The following BAZ1B variants were observed in gnomAD, a reference collection of about 807,000 sequenced individuals.
BAZ1B encodes the protein tyrosine-protein kinase BAZ1B.
Under a neutral mutation model 153.8 loss-of-function variants are expected in BAZ1B, and 22 were observed. That is an observed-to-expected ratio of 0.14 (90% CI 0.10 to 0.20). The LOEUF (loss-of-function observed/expected upper bound fraction) is 0.20. Ranked by LOEUF, BAZ1B falls within the 10% of genes least tolerant of loss-of-function variation. BAZ1B has a pLI of 1.00. For missense variants in BAZ1B, 1,325 were observed against 1,799.3 expected, an observed-to-expected ratio of 0.74 and a Z score of 4.77; for synonymous variants, 676 against 633.4, an observed-to-expected ratio of 1.07 and a Z score of -1.01.
chr7:73,453,529 A>C (rs1170615511), intron 13 of BAZ1B, among the ~76,000 whole-genome samples: 1 of 152,236 alleles, frequency 6.6e-6, no homozygotes, highest in Non-Finnish European at 1.5e-5. Context: ...TCACATCAAG[A>C]AAGAGACTCT....
intron 1 of BAZ1B, among the ~76,000 whole-genome samples, chr7:73,520,069 C>A (rs138606345): frequency 6.6e-6 from 1 of 151,948 alleles, no homozygotes; most frequent in African/African-American, 2.4e-5. Context: ...GTTAGCCGGG[C>A]GTGGTGGCAC....
At chr7:73,473,706 G>A (rs544513088) in intron 7 of BAZ1B, among the ~76,000 whole-genome samples, 7 of 152,314 alleles carry the variant, frequency 4.6e-5, no homozygotes, top group Admixed American at 2.0e-4. Context: ...AACTATTCAA[G>A]CCGGGGTTTG....
chr7:73,520,323 T>A (rs1461108441), intron 1 of BAZ1B, among the ~76,000 whole-genome samples: 2 of 151,480 alleles, frequency 1.3e-5, no homozygotes, highest in African/African-American at 4.9e-5. Flanking sequence ...AAAAACCAGA[T>A]CACCACCCCT....
chr7:73,465,414 G>A, intron 11 of BAZ1B, 25 bp downstream of exon 11: 1 of 1,436,998 alleles, frequency 7.0e-7, no homozygotes, highest in Non-Finnish European at 9.6e-7. Context: ...AGTAAGATGT[G>A]AGGAGTAAGA....
At chr7:73,455,991 G>A (rs1353616292) in intron 13 of BAZ1B, among the ~76,000 whole-genome samples, 1 of 152,010 alleles carries the variant, frequency 6.6e-6, no homozygotes, top group Non-Finnish European at 1.5e-5. Context: ...TGACATCCTT[G>A]GGCAGTGAAA....
chr7:73,470,389 T>C lies in BAZ1B; in HGVS notation c.2688A>G (p.Leu896=). Residue 896 remains leucine, a synonymous_variant, in exon 8 of 20, where the codon CTA becomes CTG. Transcript: ENST00000339594. ...TGCCAATAGGAGTCCTGCGCATGAC[T>C]AGTTTGGCCTTGGCAATCCCTTCCT... ...AFQEGIAKAK[L]VMRRTPIGTD... 1 of 1,614,150 alleles carries C rather than the reference T, an allele frequency of 6.2e-7. No individual in the cohort carries two copies. The highest frequency in any genetic ancestry group is 1.7e-4 in the Middle Eastern group (1 of 6,060).
Position 73,441,656 on chromosome 7 carries a change from A to G in BAZ1B, c.*53T>C, listed in dbSNP as rs1401626311. On this transcript the variant is annotated 3_prime_UTR_variant, in exon 20 of 20. Coordinates refer to ENST00000339594, the MANE Select transcript of BAZ1B (RefSeq NM_032408.4). ...CCACAACTGTTTCATGATGCTGGTG[A>G]ATACACAATTCTGTATGGCACTCAC... is the stretch of plus-strand genomic sequence containing the variant. 1.3e-5 allele frequency: 2 copies of G among 153,770 alleles called. No homozygotes were observed. Among genetic ancestry groups the G allele is most frequent in the African/African-American group, 4.8e-5 (2 of 41,468 alleles). The allele number at this position is 153,770 out of a possible 1,614,324, so 9.5% of individuals were successfully genotyped here. A position where few individuals can be genotyped will look rare whatever the true frequency, so the allele number is the denominator to read the frequency against.
At chr7:73,459,387 A>AT in intron 13 of BAZ1B, 149 bp downstream of exon 13, 1 of 797,752 alleles carries the variant, frequency 1.3e-6, no homozygotes, top group East Asian at 2.7e-5. Context: ...GTAGAAAGTG[A>AT]TTAAAAAAAA....
chr7:73,474,372 A>C (rs1788922689), intron 7 of BAZ1B, among the ~76,000 whole-genome samples: 1 of 152,246 alleles, frequency 6.6e-6, no homozygotes, highest in African/African-American at 2.4e-5. Context: ...GATTTGGCAA[A>C]AGATCCTTAA....
Position 73,442,251 on chromosome 7 carries a change from C to A in BAZ1B, c.4397G>T (p.Gly1466Val), listed in dbSNP as rs1554565197. ...TCCAACGGCCTCTGGCTCACTGTCC[C>A]CTTCATCTTCAGCAAGCCTATCAGG... ...KFPDRLAEDEGDSEPEAVGQS... is the reference protein window; with the variant it reads ...KFPDRLAEDEVDSEPEAVGQS... Residue 1466 changes from glycine (G) to valine (V), a missense_variant, in exon 19 of 20, where the codon GGG becomes GTG. Coordinates refer to ENST00000339594, the MANE Select transcript of BAZ1B (RefSeq NM_032408.4). The A allele has an allele frequency of 6.2e-7, 1 of 1,613,934 alleles. No individual in the cohort carries two copies. Among genetic ancestry groups the A allele is most frequent in the South Asian group, 1.1e-5 (1 of 91,078 alleles).
At position 73,483,338 on chromosome 7, in the gene BAZ1B, C is replaced by G. The variant is rs77463730; in HGVS notation, c.892-4769G>C. 7.5e-3 allele frequency among the ~76,000 whole-genome samples: 1,141 copies of G among 152,238 alleles called. 12 individuals carry two copies. Among genetic ancestry groups the G allele is most frequent in the African/African-American group, 0.026 (1,088 of 41,526 alleles). ...ACAACTTAATAATAAGCAATATAAT[C>G]TAGGCAGCAAAACCCTGAATTAGCA... On this transcript the variant is annotated intron_variant, in intron 6 of 19. Coordinates refer to ENST00000339594, the MANE Select transcript of BAZ1B (RefSeq NM_032408.4).
intron 9 of BAZ1B, 124 bp from the exon 10 acceptor site, chr7:73,466,525 T>C (rs529435605): frequency 6.6e-6 from 4 of 604,076 alleles, no homozygotes; most frequent in Admixed American, 2.9e-5. Flanking sequence ...GTGAAATATA[T>C]CAAATATATC....
chr7:73,491,637 C>T (rs1356479319), intron 5 of BAZ1B, among the ~76,000 whole-genome samples: 1 of 151,976 alleles, frequency 6.6e-6, no homozygotes, highest in African/African-American at 2.4e-5. Flanking sequence ...ATCCTAACAA[C>T]CCAGCCAAGG....
At position 73,442,473 on chromosome 7, in the gene BAZ1B, T is replaced by C. The variant is rs1787660556; in HGVS notation, c.4175A>G (p.Lys1392Arg). The C allele has an allele frequency of 3.1e-6, 5 of 1,614,198 alleles. No individual in the cohort carries two copies. Among genetic ancestry groups the C allele is most frequent in the African/African-American group, 2.7e-5 (2 of 75,048 alleles). ...AGAGCGGTAGCTCCCACAGGAACAT[T>C]TGTTCTGCACTGTCTGAAAGTCCAT... is the stretch of plus-strand genomic sequence containing the variant. ...HPMDFQTVQN[K>R]CSCGSYRSVQ... Residue 1392 changes from lysine (K) to arginine (R), a missense_variant, in exon 19 of 20, where the codon AAA (lysine) becomes AGA (arginine). This residue lies in a region of BAZ1B where 271 missense variants were observed against 337.2 expected (regional missense o/e 0.80). Transcript: ENST00000339594.
intron 10 of BAZ1B, among the ~76,000 whole-genome samples, chr7:73,465,810 CAG>C (rs782741009): frequency 4.6e-5 from 7 of 152,084 alleles, no homozygotes; most frequent in Admixed American, 1.3e-4. Context: ...CCTTTCCCTC[CAG>C]AGAGTAAACC....
chr7:73,480,806 G>A (rs1740805963), intron 6 of BAZ1B, among the ~76,000 whole-genome samples: 1 of 152,190 alleles, frequency 6.6e-6, no homozygotes, highest in African/African-American at 2.4e-5. Flanking sequence ...AAAGGGTACA[G>A]GGAAATGGCT....
At chr7:73,469,395 T>A in intron 9 of BAZ1B, 122 bp downstream of exon 9, 1 of 1,253,760 alleles carries the variant, frequency 8.0e-7, no homozygotes, top group Non-Finnish European at 1.1e-6. Context: ...TTCACTCAAA[T>A]AGATCTAAGA....
At position 73,477,372 on chromosome 7, in the gene BAZ1B, G is replaced by A; in HGVS notation, c.2089C>T (p.Arg697Cys). 3 of 1,614,216 alleles carry A rather than the reference G, an allele frequency of 1.9e-6. No individual in the cohort carries two copies. The highest frequency in any genetic ancestry group is 2.5e-6 in the Non-Finnish European group (3 of 1,180,040). Residue 697 changes from arginine (R) to cysteine (C), a missense_variant, in exon 7 of 20, where the codon CGC becomes TGC. Arg to Cys is a radical substitution (Grantham distance 180, BLOSUM62 -3). Coordinates refer to ENST00000339594, the MANE Select transcript of BAZ1B (RefSeq NM_032408.4). This position sits in a 1 kb window ranked among gnomAD's most constrained non-coding sequence, Gnocchi z 5.6. ...CTTTCCTCCTGAACATCAGATCTGC[G>A]CAAGCAGAGCCGCACCAGCTCTGAA... ...SVSELVRLCL[R>C]RSDVQEESEG...
intron 1 of BAZ1B, among the ~76,000 whole-genome samples, chr7:73,516,832 A>G (rs1383674973): frequency 6.6e-6 from 1 of 150,524 alleles, no homozygotes; most frequent in Non-Finnish European, 1.5e-5. Flanking sequence ...AACCCCTAAC[A>G]ACGGCTATTT....
Sources: allele counts gnomAD v4.1 joint callset (sites outside exome capture counted in the v4.1 genomes callset), GRCh38; gene constraint gnomAD v4.1.1; regional missense constraint gnomAD v4.1.1; non-coding constraint Gnocchi (gnomAD v3.1); transcripts MANE v1.5; gene names NCBI Gene and HGNC (gene_info 2026-07-23, HGNC 2026-07-21).